TRA2B: variants seen among roughly 807,000 people sequenced by gnomAD.
The protein encoded by TRA2B is transformer 2 beta homolog.
TRA2B carries 14 observed loss-of-function variants against 41.7 expected under a neutral mutation model. The ratio of observed to expected loss-of-function variants is 0.34; its 90% confidence interval spans 0.22 to 0.53. TRA2B has a LOEUF of 0.53. TRA2B is among the 20% of genes least tolerant of loss of function. The pLI is 0.95. For synonymous variants in TRA2B, 130 were observed against 128.8 expected (o/e 1.01, Z -0.06); for missense variants, 167 against 396.8 (o/e 0.42, Z 4.92).
intron 3 of TRA2B, 68 bp from the exon 4 acceptor site, chr3:185,924,052 G>A: frequency 1.4e-6 from 2 of 1,410,654 alleles, no homozygotes; most frequent in Non-Finnish European, 1.9e-6. Flanking sequence ...TAAAAAGGGA[G>A]CTGTATACTA....
chr3:185,936,294 G>C, intron 1 of TRA2B: 2 of 985,406 alleles, frequency 2.0e-6, no homozygotes, highest in Non-Finnish European at 2.4e-6. Context: ...ATGATCAGAA[G>C]TCACGACTTT....
Position 185,937,952 on chromosome 3 carries a change from C to A in TRA2B, c.-92G>T. Reference sequence around the variant, plus strand: ...AAGGAGGCTCCGCCGCAGCCCCGCACGACGCGCCGGTCGCCCAGCCGCTCA... The same window carrying A: ...AAGGAGGCTCCGCCGCAGCCCCGCAAGACGCGCCGGTCGCCCAGCCGCTCA... On this transcript the variant is annotated 5_prime_UTR_variant, in exon 1 of 9. Transcript: ENST00000453386. 2.0e-6 allele frequency: 3 copies of A among 1,517,150 alleles called. No individual in the cohort carries two copies. Among genetic ancestry groups the A allele is most frequent in the Non-Finnish European group, 2.7e-6 (3 of 1,108,376 alleles). 94.0% of individuals were successfully genotyped at this position (1,517,150 alleles called of 1,614,324 possible). A position where few individuals can be genotyped will look rare whatever the true frequency, so the allele number is the denominator to read the frequency against.
chr3:185,922,751 C>T (rs1743789588), intron 4 of TRA2B: 1 of 152,164 alleles, frequency 6.6e-6, no homozygotes. Context: ...TATGTATTAA[C>T]AGCATACATT....
intron 1 of TRA2B, chr3:185,937,052 G>A (rs1744389938): frequency 1.0e-6 from 1 of 985,406 alleles, no homozygotes; most frequent in Non-Finnish European, 1.2e-6. Flanking sequence ...CCGTGGAAAT[G>A]CGATGTCCAC....
At chr3:185,935,436 G>C in intron 1 of TRA2B, 1 of 985,330 alleles carries the variant, frequency 1.0e-6, no homozygotes, top group Non-Finnish European at 1.2e-6. Flanking sequence ...GTATTCTATT[G>C]AGTGATCAAA....
intron 7 of TRA2B, 82 bp downstream of exon 7, chr3:185,919,355 A>G: frequency 8.2e-7 from 1 of 1,222,788 alleles, no homozygotes; most frequent in East Asian, 2.5e-5. Context: ...TCCACTTATA[A>G]TTTACCAAAA....
intron 1 of TRA2B, chr3:185,934,588 T>C (rs1744276684): frequency 5.1e-6 from 5 of 985,300 alleles, no homozygotes; most frequent in Admixed American, 6.1e-5. Flanking sequence ...ACAAAACAAT[T>C]TCCTCCTATT....
intron 1 of TRA2B, chr3:185,936,996 A>G (rs1012519579): frequency 7.9e-5 from 78 of 985,340 alleles, no homozygotes; most frequent in Non-Finnish European, 9.3e-5. Context: ...AACAAAGGAA[A>G]TAACGGCGCC....
At chr3:185,936,593 AT>A (rs1312849346) in intron 1 of TRA2B, 49 of 984,794 alleles carry the variant, frequency 5.0e-5, no homozygotes, top group Non-Finnish European at 5.7e-5. Flanking sequence ...TTGCTAAGAC[AT>A]TTAATAGTCT....
At position 185,921,195 on chromosome 3, in the gene TRA2B, GA is replaced by G; in HGVS notation, c.639-9del. 3 of 1,613,532 alleles carry G rather than the reference GA, an allele frequency of 1.9e-6. No individual in the cohort carries two copies. The highest frequency in any genetic ancestry group is 2.2e-5 in the East Asian group (1 of 44,868). On this transcript the variant is annotated splice_polypyrimidine_tract_variant and intron_variant, in intron 5 of 8. Transcript: ENST00000453386. ...CGACGGCGAGAGCTGCCACTATGAA[GA>G]AAAAAATATTCAGGTGACCTCCCTT...
chr3:185,925,766 T>C, intron 2 of TRA2B, 140 bp from the exon 3 acceptor site: 3 of 839,454 alleles, frequency 3.6e-6, no homozygotes, highest in South Asian at 3.7e-5. Flanking sequence ...GGATCAATAC[T>C]TTTCTTCTCT....
At chr3:185,929,663 C>G (rs1221278177) in intron 1 of TRA2B, among the ~76,000 whole-genome samples, 3 of 152,164 alleles carry the variant, frequency 2.0e-5, no homozygotes, top group African/African-American at 7.2e-5. Flanking sequence ...ATTCTGAGAA[C>G]AGCAACCACC....
chr3:185,937,707 C>T (rs1744423598), intron 1 of TRA2B, 118 bp downstream of exon 1: 2 of 1,433,326 alleles, frequency 1.4e-6, no homozygotes, highest in Non-Finnish European at 1.9e-6. Context: ...GCCTGCCCTC[C>T]CGGCTTCAGA....
chr3:185,916,427 C>T lies in TRA2B; in HGVS notation c.*1288G>A, dbSNP rs1259854130. ...GATGCGATAAAGGTTAGCAAGGCAA[C>T]AAAATAACCCACCTGTAGCAACATC... On this transcript the variant is annotated 3_prime_UTR_variant, in exon 9 of 9. Transcript: ENST00000453386. 6.6e-6 allele frequency: 1 copy of T among 152,160 alleles called. No homozygotes were observed. The highest frequency in any genetic ancestry group is 1.5e-5 in the Non-Finnish European group (1 of 68,028). The allele number at this position is 152,160 out of a possible 1,614,324, so 9.4% of individuals were successfully genotyped here. A position where few individuals can be genotyped will look rare whatever the true frequency, so the allele number is the denominator to read the frequency against.
chr3:185,917,808 T>G, intron 8 of TRA2B, 83 bp from the exon 9 acceptor site: 8 of 1,474,746 alleles, frequency 5.4e-6, no homozygotes, highest in Non-Finnish European at 6.6e-6. Flanking sequence ...TTCAGAATAT[T>G]CTGCCATTAA....
intron 1 of TRA2B, chr3:185,936,638 G>A: frequency 1.0e-6 from 1 of 984,406 alleles, no homozygotes; most frequent in South Asian, 4.7e-5. Context: ...AGATCTTAAG[G>A]TAGCTTTACC....
chr3:185,935,321 A>T, intron 1 of TRA2B: 1 of 984,946 alleles, frequency 1.0e-6, no homozygotes, highest in African/African-American at 1.7e-5. Flanking sequence ...GACAGATTTT[A>T]GTGTTAATCT....
intron 6 of TRA2B, among the ~76,000 whole-genome samples, chr3:185,920,212 T>C (rs1433178571): frequency 6.6e-6 from 1 of 152,206 alleles, no homozygotes; most frequent in Non-Finnish European, 1.5e-5. Context: ...AAGGCATCCA[T>C]TTTACCTGCC....
intron 6 of TRA2B, among the ~76,000 whole-genome samples, chr3:185,920,167 A>T (rs1743663877): frequency 6.6e-6 from 1 of 152,230 alleles, no homozygotes; most frequent in Non-Finnish European, 1.5e-5. Flanking sequence ...GTCATACTAA[A>T]TTAACATCTT....
Sources: allele counts gnomAD v4.1 joint callset (sites outside exome capture counted in the v4.1 genomes callset), GRCh38; gene constraint gnomAD v4.1.1; transcripts MANE v1.5; gene names NCBI Gene and HGNC (gene_info 2026-07-23, HGNC 2026-07-21).